Variants in ARSG observed in about 807,000 individuals in gnomAD.
ARSG encodes ASG.
A neutral mutation model predicts 50.5 loss-of-function variants in ARSG; 37 were observed. The observed-to-expected ratio is 0.73, with a 90% CI of 0.56 to 0.96. The LOEUF (loss-of-function observed/expected upper bound fraction) is 0.96, where lower values mean the gene tolerates loss of function less well. ARSG is among the 50% of genes least tolerant of loss of function. ARSG has a pLI of 0.00. For missense variants in ARSG, 629 were observed against 675.3 expected, an observed-to-expected ratio of 0.93 and a Z score of 0.76; for synonymous variants, 225 against 254.6, an observed-to-expected ratio of 0.88 and a Z score of 1.11.
intron 2 of ARSG, among the ~76,000 whole-genome samples, chr17:68,332,817 A>G (rs781498970): frequency 2.2e-4 from 34 of 152,150 alleles, no homozygotes; most frequent in Admixed American, 1.9e-3. Flanking sequence ...TTCATATTTT[A>G]CTGGGTTCCA....
At chr17:68,331,245 C>G (rs370790719) in intron 2 of ARSG, among the ~76,000 whole-genome samples, 21 of 92,574 alleles carry the variant, frequency 2.3e-4, no homozygotes, top group African/African-American at 5.8e-4. Flanking sequence ...TTCTTTCTTT[C>G]TTTCTTTCTT....
chr17:68,374,157 CA>C (rs758829709), intron 8 of ARSG, among the ~76,000 whole-genome samples: 264 of 60,504 alleles, frequency 4.4e-3, no homozygotes, highest in Admixed American at 0.013. Flanking sequence ...ACTCTGTCTC[CA>C]AAAAAAAAAA....
At chr17:68,388,922 CAAA>C (rs35105754) in intron 9 of ARSG, among the ~76,000 whole-genome samples, 27 of 108,040 alleles carry the variant, frequency 2.5e-4, no homozygotes, top group East Asian at 8.7e-4. Flanking sequence ...GACTCTGTCT[CAAA>C]AAAAAAAAAA....
intron 2 of ARSG, among the ~76,000 whole-genome samples, chr17:68,309,012 G>A (rs1555765623): frequency 6.6e-6 from 1 of 152,250 alleles, no homozygotes; most frequent in Non-Finnish European, 1.5e-5. Flanking sequence ...GGAGGGGGTG[G>A]GAGGCTCAGG....
chr17:68,397,388 C>A (rs2081291308), intron 10 of ARSG, among the ~76,000 whole-genome samples: 1 of 152,150 alleles, frequency 6.6e-6, no homozygotes. Context: ...ACGGGGCTGG[C>A]ACCTGTGGGT....
At chr17:68,346,910 C>T (rs1273178443) in intron 3 of ARSG, 10 of 1,480,138 alleles carry the variant, frequency 6.8e-6, no homozygotes, top group African/African-American at 2.8e-5. Context: ...TGTGGTTTCC[C>T]GTGTGAGTCT....
At chr17:68,364,574 G>A (rs1388290904) in intron 6 of ARSG, among the ~76,000 whole-genome samples, 2 of 152,084 alleles carry the variant, frequency 1.3e-5, no homozygotes, top group Non-Finnish European at 2.9e-5. Context: ...TGGCCAGGCT[G>A]GTCTTGAACT....
At chr17:68,349,226 A>C (rs1020172687) in intron 4 of ARSG, among the ~76,000 whole-genome samples, 4 of 152,044 alleles carry the variant, frequency 2.6e-5, no homozygotes, top group African/African-American at 9.7e-5. Flanking sequence ...TGAACCCAGG[A>C]GGTGGAGGTT....
intron 2 of ARSG, among the ~76,000 whole-genome samples, chr17:68,309,220 G>A (rs1555765733): frequency 1.3e-5 from 2 of 152,356 alleles, no homozygotes; most frequent in East Asian, 3.9e-4. Context: ...GGCCCGCCAA[G>A]CCCACGCCCA....
chr17:68,358,995 C>G (rs2079161428), intron 6 of ARSG, among the ~76,000 whole-genome samples: 1 of 151,996 alleles, frequency 6.6e-6, no homozygotes, highest in African/African-American at 2.4e-5. Flanking sequence ...AACCCCGTCT[C>G]TACTAAAAAT....
At chr17:68,321,594 C>CTA (rs2145852696) in intron 2 of ARSG, among the ~76,000 whole-genome samples, 1 of 152,306 alleles carries the variant, frequency 6.6e-6, no homozygotes, top group South Asian at 2.1e-4. Context: ...TTTTAAATTC[C>CTA]TTGTAAATGA....
At position 68,307,266 on chromosome 17, in the gene ARSG, T is replaced by C; in HGVS notation, c.-228T>C. The C allele has an allele frequency of 1.9e-6, 1 of 530,444 alleles. No homozygotes were observed. Among genetic ancestry groups the C allele is most frequent in the Admixed American group, 3.4e-5 (1 of 29,090 alleles). 32.9% of individuals were successfully genotyped at this position (530,444 alleles called of 1,614,324 possible). ...GCCAAATGAGGGATTGCAAATTTCC[T>C]GATTCTTTTGAATTAGGATTCCAGA... On this transcript the variant is annotated 5_prime_UTR_variant, in exon 2 of 12. Transcript: ENST00000621439.
At chr17:68,274,589 T>TA (rs1296015172) in intron 1 of ARSG, 3 of 152,422 alleles carry the variant, frequency 2.0e-5, no homozygotes, top group African/African-American at 7.2e-5. Flanking sequence ...AATAACAGTA[T>TA]AAAACTTTTA....
intron 3 of ARSG, among the ~76,000 whole-genome samples, chr17:68,345,879 CTTTT>C (rs1459943845): frequency 6.6e-6 from 1 of 151,952 alleles, no homozygotes; most frequent in African/African-American, 2.4e-5. Flanking sequence ...TTCTCTCAAT[CTTTT>C]TTATTTATTT....
In ARSG at chr17:68,420,748, T is replaced by A; in HGVS notation, c.*285T>A. The A allele has an allele frequency of 2.3e-6, 1 of 441,416 alleles. No homozygotes were observed. Among genetic ancestry groups the A allele is most frequent in the South Asian group, 3.5e-5 (1 of 28,342 alleles). 27.3% of individuals were successfully genotyped at this position (441,416 alleles called of 1,614,324 possible). A position where few individuals can be genotyped will look rare whatever the true frequency, so the allele number is the denominator to read the frequency against. On this transcript the variant is annotated 3_prime_UTR_variant, in exon 12 of 12. Coordinates refer to ENST00000621439, the MANE Select transcript of ARSG (RefSeq NM_001267727.2). ...CCAGCTTTTGAACTTGGGCAATTGT[T>A]TAACCTAACCTGCAAGTTGATTTTG...
rs1226967573 is a variant in ARSG, at chr17:68,283,133, AT to A, written c.-552+23716del. ...CAGAGCAAGACCCTGTCTAAAAAAA[AT>A]TTTTTTTTAAGTTGGCTGGCGTGGT... On this transcript the variant is annotated intron_variant, in intron 1 of 11. Coordinates refer to the ARSG transcript ENST00000448504. The A allele has an allele frequency of 2.3e-4, 35 of 151,412 alleles. No individual in the cohort carries two copies. The Middle Eastern group carries it at 0.024, about 104-fold the overall frequency. The allele number at this position is 151,412 out of a possible 1,614,324, so 9.4% of individuals were successfully genotyped here. A position where few individuals can be genotyped will look rare whatever the true frequency, so the allele number is the denominator to read the frequency against.
chr17:68,426,619 G>A (rs151230721), downstream of ARSG, among the ~76,000 whole-genome samples: 3,387 of 152,230 alleles, frequency 0.022, 132 homozygotes, highest in African/African-American at 0.077. Flanking sequence ...TGCAATCTCC[G>A]CCTCTCTGGT....
intron 11 of ARSG, among the ~76,000 whole-genome samples, chr17:68,414,985 T>G (rs2082279136): frequency 6.6e-6 from 1 of 152,212 alleles, no homozygotes; most frequent in African/African-American, 2.4e-5. Flanking sequence ...AGAACCAGCT[T>G]TGTGTTTCAT....
chr17:68,389,395 C>T (rs2080886786), intron 9 of ARSG, among the ~76,000 whole-genome samples: 1 of 151,962 alleles, frequency 6.6e-6, no homozygotes, highest in Non-Finnish European at 1.5e-5. Context: ...GATGAGGGTG[C>T]CAGGGAAGCT....
Sources: gnomAD v4.1 joint callset for allele counts (sites outside exome capture counted in the v4.1 genomes callset) on GRCh38, gnomAD v4.1.1 for gene constraint, MANE v1.5 for transcripts, NCBI Gene and HGNC (gene_info 2026-07-23, HGNC 2026-07-21) for gene names.